FAM186B: variants seen among roughly 807,000 people sequenced by gnomAD.
The protein encoded by FAM186B is protein FAM186B.
Under a neutral mutation model 83.4 loss-of-function variants are expected in FAM186B, and 68 were observed. The observed-to-expected ratio is 0.81, with a 90% CI of 0.67 to 1.00. The LOEUF (loss-of-function observed/expected upper bound fraction) is 1.00. Among genes scored for constraint, FAM186B ranks in the 50% least tolerant of loss-of-function variants. FAM186B has a pLI of 0.00. For synonymous variants in FAM186B, 389 were observed against 422.0 expected (o/e 0.92, Z 0.96); for missense variants, 983 against 1,099.2 (o/e 0.89, Z 1.49).
downstream of FAM186B, among the ~76,000 whole-genome samples, chr12:49,585,878 C>T (rs897435428): frequency 1.3e-5 from 2 of 152,242 alleles, no homozygotes; most frequent in African/African-American, 2.4e-5. Context: ...CCAAAGGAGG[C>T]AGCACGGCCA....
Position 49,599,760 on chromosome 12 carries a change from G to A in FAM186B, c.1880C>T (p.Thr627Ile), listed in dbSNP as rs1332040354. ...TYRPRTRRVP[T>I]KPKKSASFPV... ...AAAGGAGGCAGATTTCTTGGGCTTT[G>A]TGGGAACTCGGCGGGTCCGTGGTCT... is the stretch of plus-strand genomic sequence containing the variant. The change falls in exon 4 of 7, where the codon ACA (threonine) becomes ATA (isoleucine). Residue 627 changes from threonine to isoleucine, a missense_variant. Thr to Ile is a moderately conservative substitution (Grantham distance 89). Transcript: ENST00000257894. 2.5e-6 allele frequency: 4 copies of A among 1,614,054 alleles called. No individual in the cohort carries two copies. The highest frequency in any genetic ancestry group is 1.3e-5 in the African/African-American group (1 of 74,938).
intron 1 of FAM186B, 179 bp downstream of exon 1, chr12:49,605,203 C>T: frequency 1.4e-6 from 2 of 1,433,912 alleles, no homozygotes; most frequent in Non-Finnish European, 1.8e-6. Context: ...TCAGCTCACC[C>T]TGTATATGCC....
chr12:49,615,951 G>A, the FAM186B span, among the ~76,000 whole-genome samples: 1 of 152,006 alleles, frequency 6.6e-6, no homozygotes, highest in South Asian at 2.1e-4. Flanking sequence ...ACCAAGTGTT[G>A]AGGAAGATTT....
At position 49,605,619 on chromosome 12, in the gene FAM186B, G is replaced by A. The variant is rs542084849; in HGVS notation, c.-142C>T. 4.7e-5 allele frequency: 36 copies of A among 768,384 alleles called. No individual in the cohort carries two copies. In the African/African-American group the frequency reaches 5.9e-4, roughly 12 times the overall value. The allele number at this position is 768,384 out of a possible 1,614,324, so 47.6% of individuals were successfully genotyped here. A position where few individuals can be genotyped will look rare whatever the true frequency, so the allele number is the denominator to read the frequency against. On this transcript the variant is annotated 5_prime_UTR_variant, in exon 1 of 7. Transcript: ENST00000257894. ...CCCAGGCACAGCTCCTCTGGTAACT[G>A]CCAAACACCAGGTTCCAACTGATCC...
downstream of FAM186B, chr12:49,584,275 G>A (rs540875621): frequency 1.9e-6 from 1 of 528,400 alleles, no homozygotes; most frequent in African/African-American, 1.9e-5. Flanking sequence ...CAATGAGACA[G>A]AATTTTAAAA....
chr12:49,605,180 C>A (rs774918937), intron 1 of FAM186B: 2 of 1,396,986 alleles, frequency 1.4e-6, no homozygotes, highest in Non-Finnish European at 9.3e-7. Flanking sequence ...CTGCCTCAGG[C>A]GGGTGGTTGC....
the FAM186B span, among the ~76,000 whole-genome samples, chr12:49,618,382 C>T: frequency 1.4e-4 from 21 of 151,832 alleles, no homozygotes; most frequent in African/African-American, 5.1e-4. Context: ...CAAGCCCATC[C>T]ATGTACCACC....
downstream of FAM186B, among the ~76,000 whole-genome samples, chr12:49,587,292 C>T (rs1411611616): frequency 6.6e-6 from 1 of 152,136 alleles, no homozygotes; most frequent in Non-Finnish European, 1.5e-5. Flanking sequence ...AGAACCACCC[C>T]CAAGGCTAGG....
chr12:49,618,235 C>T, the FAM186B span, among the ~76,000 whole-genome samples: 6 of 151,960 alleles, frequency 3.9e-5, no homozygotes, highest in South Asian at 2.1e-4. Context: ...ATCGCAGCTA[C>T]GCAGGAGGCT....
chr12:49,594,551 C>T (rs1349841698), intron 5 of FAM186B, among the ~76,000 whole-genome samples: 2 of 152,118 alleles, frequency 1.3e-5, no homozygotes, highest in African/African-American at 2.4e-5. Flanking sequence ...ATAAAAGTTA[C>T]GTGAATGTGG....
upstream of FAM186B, among the ~76,000 whole-genome samples, chr12:49,610,406 G>A (rs1940072195): frequency 6.6e-6 from 1 of 152,186 alleles, no homozygotes; most frequent in Non-Finnish European, 1.5e-5. Context: ...CCAAGACAAG[G>A]TTGAACATCA....
intron 3 of FAM186B, 78 bp downstream of exon 3, chr12:49,603,107 G>A: frequency 6.7e-7 from 1 of 1,490,182 alleles, no homozygotes; most frequent in South Asian, 1.1e-5. Context: ...AAGACCCCAG[G>A]CCCAGCCTCT....
the FAM186B span, among the ~76,000 whole-genome samples, chr12:49,621,709 G>A: frequency 6.6e-6 from 1 of 152,218 alleles, no homozygotes; most frequent in South Asian, 2.1e-4. Context: ...TCTCCCTGGG[G>A]AGGACAGACC....
At chr12:49,589,043 C>T (rs1395032000) in intron 5 of FAM186B, among the ~76,000 whole-genome samples, 1 of 152,180 alleles carries the variant, frequency 6.6e-6, no homozygotes, top group African/African-American at 2.4e-5. Flanking sequence ...TTCACAGCCA[C>T]TCAAAGAATT....
chr12:49,616,829 A>C, the FAM186B span, among the ~76,000 whole-genome samples: 1 of 152,224 alleles, frequency 6.6e-6, no homozygotes, highest in Non-Finnish European at 1.5e-5. Flanking sequence ...TTGTACACTT[A>C]AAATTGCCAT....
At chr12:49,614,526 T>C in the FAM186B span, among the ~76,000 whole-genome samples, 1 of 152,018 alleles carries the variant, frequency 6.6e-6, no homozygotes, top group Non-Finnish European at 1.5e-5. Flanking sequence ...GAGCTAAACA[T>C]TGGGTACTTA....
At chr12:49,597,211 C>T (rs1262063665) in intron 5 of FAM186B, among the ~76,000 whole-genome samples, 1 of 152,144 alleles carries the variant, frequency 6.6e-6, no homozygotes, top group Non-Finnish European at 1.5e-5. Flanking sequence ...TGCTTAACAA[C>T]ACATTTCCCA....
Position 49,605,402 on chromosome 12 carries a change from G to C in FAM186B, c.76C>G (p.Gln26Glu). 12 of 1,613,472 alleles carry C rather than the reference G, an allele frequency of 7.4e-6. No individual in the cohort carries two copies. The highest frequency in any genetic ancestry group is 1.0e-5 in the Non-Finnish European group (12 of 1,179,822). ...GCTACCTCTTGAGCCCGAGTTAGCT[G>C]GGCAGCCTCAATCCTCAGGATGATG... Reference protein sequence around the residue: ...KAIILRIEAAQLTRAQEDIST... With the variant: ...KAIILRIEAAELTRAQEDIST... Residue 26 changes from glutamine (Q) to glutamate (E), a missense_variant, in exon 1 of 7, where the codon CAG (glutamine) becomes GAG (glutamate). Transcript: ENST00000257894.
rs778103645 is a variant in FAM186B at position 49,588,449 on chromosome 12, C to A, written c.2534+5G>T. ...CTGCTGCCCCCTCAGCTTCCCAGAA[C>A]CTACCGGGCCATCTGCAGGGGCACA... On this transcript the variant is annotated splice_donor_5th_base_variant and intron_variant, in intron 6 of 6. Coordinates refer to ENST00000257894, the MANE Select transcript of FAM186B (RefSeq NM_032130.3). 6 of 1,608,706 alleles carry A rather than the reference C, an allele frequency of 3.7e-6. No individual in the cohort carries two copies. In the Admixed American group the frequency reaches 1.0e-4, roughly 27 times the overall value.
Sources: allele counts gnomAD v4.1 joint callset (sites outside exome capture counted in the v4.1 genomes callset), GRCh38; gene constraint gnomAD v4.1.1; transcripts MANE v1.5; gene names NCBI Gene and HGNC (gene_info 2026-07-23, HGNC 2026-07-21).